The following RPS6KC1 variants were observed in gnomAD, a reference collection of about 807,000 sequenced individuals.
The protein encoded by RPS6KC1 is inactive ribosomal protein S6 kinase delta-1.
A neutral mutation model predicts 103.8 loss-of-function variants in RPS6KC1; 54 were observed. The ratio of observed to expected loss-of-function variants is 0.52; its 90% CI spans 0.42 to 0.65. RPS6KC1 has a LOEUF of 0.65. RPS6KC1 is among the 30% of genes least tolerant of loss of function. The pLI is 0.00. For synonymous variants in RPS6KC1, 439 were observed against 438.7 expected, an observed-to-expected ratio of 1.00 and a Z score of -0.01; for missense variants, 1,151 against 1,253.8, an observed-to-expected ratio of 0.92 and a Z score of 1.24.
intron 8 of RPS6KC1, among the ~76,000 whole-genome samples, chr1:213,189,495 T>G (rs1300175815): frequency 6.6e-6 from 1 of 151,570 alleles, no homozygotes; most frequent in Non-Finnish European, 1.5e-5. Flanking sequence ...TCCTCACACT[T>G]CTTAAATTTT....
chr1:213,793,733 T>C, the RPS6KC1 span, among the ~76,000 whole-genome samples: 1 of 152,200 alleles, frequency 6.6e-6, no homozygotes, highest in African/African-American at 2.4e-5. Flanking sequence ...CCAGTAAATT[T>C]TTAAAGTCAA....
chr1:213,509,549 A>G, the RPS6KC1 span, among the ~76,000 whole-genome samples: 1 of 152,212 alleles, frequency 6.6e-6, no homozygotes, highest in Non-Finnish European at 1.5e-5. Context: ...AGGCTTACCT[A>G]GAGGGTGTCT....
the RPS6KC1 span, among the ~76,000 whole-genome samples, chr1:213,399,934 G>A: frequency 1.3e-5 from 2 of 152,112 alleles, no homozygotes; most frequent in Non-Finnish European, 2.9e-5. Context: ...CAGGAATGCA[G>A]GGTATTTTTA....
At chr1:213,208,687 A>T (rs994974108) in intron 8 of RPS6KC1, among the ~76,000 whole-genome samples, 2 of 152,034 alleles carry the variant, frequency 1.3e-5, no homozygotes, top group Non-Finnish European at 2.9e-5. Flanking sequence ...AGCAGGAATG[A>T]TGTCCTCACC....
intron 8 of RPS6KC1, among the ~76,000 whole-genome samples, chr1:213,209,163 T>C (rs1023526371): frequency 6.6e-6 from 1 of 152,126 alleles, no homozygotes; most frequent in Non-Finnish European, 1.5e-5. Context: ...TGCCTTCTTT[T>C]CCTTTTCTTC....
the RPS6KC1 span, among the ~76,000 whole-genome samples, chr1:213,317,271 T>C: frequency 6.6e-6 from 1 of 152,214 alleles, no homozygotes; most frequent in African/African-American, 2.4e-5. Context: ...TTCCCTATTG[T>C]ACATTCTCTG....
the RPS6KC1 span, among the ~76,000 whole-genome samples, chr1:213,528,632 G>T: frequency 6.6e-6 from 1 of 152,180 alleles, no homozygotes; most frequent in African/African-American, 2.4e-5. Flanking sequence ...CACTCTCTGT[G>T]TCCTTCTCCT....
At chr1:213,747,882 C>G in the RPS6KC1 span, among the ~76,000 whole-genome samples, 1 of 152,124 alleles carries the variant, frequency 6.6e-6, no homozygotes, top group Non-Finnish European at 1.5e-5. Context: ...TACTAAGTGC[C>G]TACAAAAGAA....
chr1:213,753,223 C>T, the RPS6KC1 span, among the ~76,000 whole-genome samples: 1 of 152,256 alleles, frequency 6.6e-6, no homozygotes, highest in South Asian at 2.1e-4. Flanking sequence ...GGGACATAGG[C>T]TATTTTAGTG....
chr1:213,703,712 G>A, the RPS6KC1 span, among the ~76,000 whole-genome samples: 1 of 152,058 alleles, frequency 6.6e-6, no homozygotes, highest in Non-Finnish European at 1.5e-5. Flanking sequence ...CTGCTCCATT[G>A]TATGTTATTT....
intron 10 of RPS6KC1, among the ~76,000 whole-genome samples, chr1:213,232,535 G>C (rs927419704): frequency 2.0e-5 from 3 of 152,160 alleles, no homozygotes; most frequent in Non-Finnish European, 4.4e-5. Context: ...ATATGAATGT[G>C]TGCTAAGAGA....
At chr1:213,133,076 ACACTT>A (rs1250452883) in intron 6 of RPS6KC1, among the ~76,000 whole-genome samples, 3 of 152,176 alleles carry the variant, frequency 2.0e-5, no homozygotes, top group Non-Finnish European at 4.4e-5. Context: ...TTTGAACCTG[ACACTT>A]CACTTACTCC....
At chr1:213,686,645 G>A in the RPS6KC1 span, among the ~76,000 whole-genome samples, 2 of 152,130 alleles carry the variant, frequency 1.3e-5, no homozygotes, top group African/African-American at 2.4e-5. Flanking sequence ...CTCCCTAAGG[G>A]AGGTTCCATC....
chr1:213,088,268 C>T (rs916657480), intron 3 of RPS6KC1, among the ~76,000 whole-genome samples: 18 of 152,168 alleles, frequency 1.2e-4, no homozygotes, highest in African/African-American at 3.9e-4. Flanking sequence ...GAAGAGTTCC[C>T]CTTTCTAAGT....
At chr1:213,488,259 A>G in the RPS6KC1 span, among the ~76,000 whole-genome samples, 244 of 152,356 alleles carry the variant, frequency 1.6e-3, 1 homozygote, top group African/African-American at 5.7e-3. Flanking sequence ...TGGCTGTATT[A>G]ACAACACAAT....
chr1:213,855,638 C>A, the RPS6KC1 span, among the ~76,000 whole-genome samples: 2 of 152,196 alleles, frequency 1.3e-5, no homozygotes, highest in South Asian at 2.1e-4. Context: ...TCTCTTGCAA[C>A]CTTTTTAGAT....
At chr1:213,182,872 CAT>C (rs144888548) in intron 8 of RPS6KC1, among the ~76,000 whole-genome samples, 2,311 of 145,892 alleles carry the variant, frequency 0.016, 46 homozygotes, top group African/African-American at 0.052. Context: ...GTATATATAT[CAT>C]ATATGATGCA....
the RPS6KC1 span, among the ~76,000 whole-genome samples, chr1:213,680,643 A>G: frequency 2.6e-5 from 4 of 151,884 alleles, no homozygotes; most frequent in Non-Finnish European, 5.9e-5. Context: ...CGCCTTTTTT[A>G]TACTATTCTT....
At chr1:213,068,081 T>A (rs2078489953) in intron 1 of RPS6KC1, among the ~76,000 whole-genome samples, 1 of 152,178 alleles carries the variant, frequency 6.6e-6, no homozygotes. Context: ...AATTGTGAAA[T>A]TTAAAGTACA....
Sources: gnomAD v4.1 joint callset for allele counts (sites outside exome capture counted in the v4.1 genomes callset) on GRCh38, gnomAD v4.1.1 for gene constraint, MANE v1.5 for transcripts, NCBI Gene and HGNC (gene_info 2026-07-23, HGNC 2026-07-21) for gene names.